Variants in RIF1 observed in about 807,000 individuals in gnomAD.
RIF1 encodes the protein replication timing regulatory factor 1, also known as telomere-associated protein RIF1.
Under a neutral mutation model 247.1 loss-of-function variants are expected in RIF1, and 45 were observed. The ratio of observed to expected loss-of-function variants is 0.18; its 90% CI spans 0.14 to 0.23. RIF1 has a LOEUF of 0.23. RIF1 is among the 10% of genes least tolerant of loss of function. The probability of loss-of-function intolerance (pLI) is 1.00; values close to 1 mark genes in which losing one functional copy is unlikely to be tolerated. For synonymous variants in RIF1, 1,087 were observed against 978.8 expected, an observed-to-expected ratio of 1.11 and a Z score of -2.06; for missense variants, 2,967 against 2,862.5, an observed-to-expected ratio of 1.04 and a Z score of -0.83.
chr2:151,495,937 C>T (rs2059885360), intron 10 of RIF1, among the ~76,000 whole-genome samples: 1 of 152,142 alleles, frequency 6.6e-6, no homozygotes. Context: ...ATTGGACCTA[C>T]TCCACCACCC....
At chr2:151,488,611 A>T (rs2053280389) in intron 9 of RIF1, among the ~76,000 whole-genome samples, 1 of 152,090 alleles carries the variant, frequency 6.6e-6, no homozygotes, top group South Asian at 2.1e-4. Flanking sequence ...ATGCCACCAC[A>T]CTGCAGCCTG....
downstream of RIF1, among the ~76,000 whole-genome samples, chr2:151,511,227 T>C (rs1193893381): frequency 1.3e-5 from 2 of 152,194 alleles, no homozygotes; most frequent in African/African-American, 2.4e-5. Flanking sequence ...ACATGGTAAT[T>C]TGGAGCCCAT....
At chr2:151,529,201 G>T in the RIF1 span, 1 of 1,590,448 alleles carries the variant, frequency 6.3e-7, no homozygotes, top group Non-Finnish European at 8.6e-7. Context: ...GGAAGTTTCT[G>T]GAACTTACAT....
chr2:151,411,506 G>C (rs544135831), intron 3 of RIF1, among the ~76,000 whole-genome samples, 168 bp downstream of exon 3: 2 of 152,026 alleles, frequency 1.3e-5, no homozygotes, highest in Non-Finnish European at 2.9e-5. Flanking sequence ...GGGTTCAAGC[G>C]ATTCTCTTGC....
At chr2:151,514,251 G>T in the RIF1 span, 6 of 1,104,958 alleles carry the variant, frequency 5.4e-6, no homozygotes, top group South Asian at 2.8e-5. Flanking sequence ...GCTTTTTCTG[G>T]TGTAATTTGG....
rs2048929826 is a variant in RIF1 at position 151,476,373 on chromosome 2, C to G, written c.*1302C>G. On this transcript the variant is annotated 3_prime_UTR_variant, in exon 36 of 36. Transcript: ENST00000444746. ...AAAATTTGCCAACTAATATTAGTGC[C>G]TGACTTCCCATATTTGTTTCATCTT... 6.6e-6 allele frequency: 1 copy of G among 152,100 alleles called. No homozygotes were observed. Among genetic ancestry groups the G allele is most frequent in the Admixed American group, 6.6e-5 (1 of 15,252 alleles). The allele number at this position is 152,100 out of a possible 1,614,324, so 9.4% of individuals were successfully genotyped here.
intron 9 of RIF1, chr2:151,490,532 A>G: frequency 6.2e-7 from 1 of 1,606,266 alleles, no homozygotes; most frequent in South Asian, 1.1e-5. Flanking sequence ...GGAGAGATGC[A>G]GTTGGGGGAG....
At chr2:151,448,959 T>C (rs1693788750) in intron 20 of RIF1, among the ~76,000 whole-genome samples, 1 of 152,226 alleles carries the variant, frequency 6.6e-6, no homozygotes, top group Admixed American at 6.5e-5. Context: ...CAAAATACCC[T>C]GTTGAGATTT....
chr2:151,455,733 T>C (rs1400460041), intron 22 of RIF1, among the ~76,000 whole-genome samples: 1 of 152,122 alleles, frequency 6.6e-6, no homozygotes, highest in African/African-American at 2.4e-5. Context: ...CATCCATGGA[T>C]TTTGGTATCT....
At chr2:151,442,059 T>TTTTATTTTAC (rs1376474893) in intron 16 of RIF1, 68 bp downstream of exon 16, 1 of 260,172 alleles carries the variant, frequency 3.8e-6, no homozygotes, top group Non-Finnish European at 7.2e-6. Context: ...TTTTATTTTA[T>TTTTATTTTAC]TTTATTTTAT....
Position 151,480,934 on chromosome 2 carries a change from T to C in RIF1, c.*5863T>C, listed in dbSNP as rs1159984861. On this transcript the variant is annotated 3_prime_UTR_variant, in exon 36 of 36. Transcript: ENST00000444746. ...TTTTGTACTATCTGTGAGCTGAGAC[T>C]GGTTTTTACATTTTTTAATGGTGAA... 1 of 150,362 alleles carries C rather than the reference T, an allele frequency of 6.7e-6. No homozygotes were observed. The highest frequency in any genetic ancestry group is 2.0e-4 in the East Asian group (1 of 5,060). 9.3% of individuals were successfully genotyped at this position (150,362 alleles called of 1,614,324 possible). A position where few individuals can be genotyped will look rare whatever the true frequency, so the allele number is the denominator to read the frequency against.
downstream of RIF1, among the ~76,000 whole-genome samples, chr2:151,484,818 A>G (rs933046362): frequency 3.9e-5 from 6 of 152,136 alleles, no homozygotes; most frequent in Non-Finnish European, 5.9e-5. Flanking sequence ...AAGGGCATCA[A>G]CTGTCTCTTG....
rs758166991 is a variant in RIF1 at position 151,505,510 on chromosome 2, G to A, written c.*862-700G>A. 54 of 1,613,544 alleles carry A rather than the reference G, an allele frequency of 3.3e-5. No homozygotes were observed. Among genetic ancestry groups the A allele is most frequent in the Admixed American group, 1.7e-4 (10 of 59,986 alleles). ...ATGTGCTTCTGCGTCTCCTTCACAC[G>A]TTTCACTTCAGGCAGGTCAGGGATT... is the stretch of plus-strand genomic sequence containing the variant. On this transcript the variant is annotated intron_variant and NMD_transcript_variant, in intron 12 of 13. Transcript: ENST00000454583.
intron 8 of RIF1, among the ~76,000 whole-genome samples, chr2:151,425,721 C>T (rs1688948652): frequency 1.7e-5 from 2 of 120,074 alleles, no homozygotes; most frequent in African/African-American, 6.5e-5. Context: ...GGCTGGAGTG[C>T]AGTGGCATGA....
At chr2:151,533,445 G>A in the RIF1 span, 2 of 1,545,956 alleles carry the variant, frequency 1.3e-6, no homozygotes, top group South Asian at 2.4e-5. Context: ...ACATTACCTG[G>A]CTCCACATAT....
intron 10 of RIF1, among the ~76,000 whole-genome samples, chr2:151,496,019 G>A (rs1458613443): frequency 6.6e-6 from 1 of 152,202 alleles, no homozygotes; most frequent in African/African-American, 2.4e-5. Context: ...TAGAGAGTAA[G>A]TTTGGAGAGA....
At chr2:151,522,225 A>G in the RIF1 span, among the ~76,000 whole-genome samples, 1 of 152,228 alleles carries the variant, frequency 6.6e-6, no homozygotes, top group South Asian at 2.1e-4. Context: ...TATTGAATTG[A>G]GATGTATACT....
intron 12 of RIF1, chr2:151,503,495 G>T: frequency 8.2e-7 from 1 of 1,224,914 alleles, no homozygotes. Flanking sequence ...AAATCCTTTA[G>T]ATAGCAGCCA....
intron 8 of RIF1, among the ~76,000 whole-genome samples, chr2:151,428,093 G>A (rs907788889): frequency 3.3e-5 from 5 of 152,078 alleles, no homozygotes; most frequent in Non-Finnish European, 7.4e-5. Flanking sequence ...GCTGGGCGTG[G>A]TAGTATTAGC....
Sources: allele counts gnomAD v4.1 joint callset (sites outside exome capture counted in the v4.1 genomes callset), GRCh38; gene constraint gnomAD v4.1.1; transcripts MANE v1.5; gene names NCBI Gene and HGNC (gene_info 2026-07-23, HGNC 2026-07-21).